KLF12: variants seen among roughly 807,000 people sequenced by gnomAD.
KLF12 encodes the protein KLF transcription factor 12.
Under a neutral mutation model 37.8 loss-of-function variants are expected in KLF12, and 9 were observed. The ratio of observed to expected loss-of-function variants is 0.24; its 90% CI spans 0.14 to 0.42. The LOEUF (loss-of-function observed/expected upper bound fraction) is 0.42, where lower values mean the gene tolerates loss of function less well. KLF12 is among the 10% of genes least tolerant of loss of function. The pLI is 1.00. For synonymous variants in KLF12, 208 were observed against 202.1 expected (o/e 1.03, Z -0.25); for missense variants, 411 against 516.0 (o/e 0.80, Z 1.97).
intron 1 of KLF12, among the ~76,000 whole-genome samples, chr13:74,088,782 T>C (rs1209171994): frequency 6.6e-6 from 1 of 152,198 alleles, no homozygotes; most frequent in East Asian, 1.9e-4. Flanking sequence ...TCTACACCTT[T>C]TTTACAGGGC....
chr13:73,877,740 A>T (rs186900861), intron 3 of KLF12, among the ~76,000 whole-genome samples: 1 of 152,266 alleles, frequency 6.6e-6, no homozygotes, highest in Non-Finnish European at 1.5e-5. Flanking sequence ...TTGGCTTTGT[A>T]AAAGTTGTTT....
At chr13:74,186,664 T>C in the KLF12 span, among the ~76,000 whole-genome samples, 2 of 152,156 alleles carry the variant, frequency 1.3e-5, no homozygotes, top group African/African-American at 2.4e-5. Context: ...TTTTCCTCCA[T>C]GATAGAAAAA....
At position 74,064,627 on chromosome 13, in the gene KLF12, A is replaced by G. The variant is rs115701065; in HGVS notation, c.-32+69112T>C. Among the ~76,000 whole-genome samples the G allele has an allele frequency of 8.9e-3, 1,361 of 152,354 alleles. 20 individuals are homozygous for G. Among genetic ancestry groups the G allele is most frequent in the African/African-American group, 0.031 (1,284 of 41,578 alleles). Reference sequence around the variant, plus strand: ...ATGTCTCTCTGCTGTAGAGGCTAATAAACAAAGACACAATGGAGATTCTGA... The same window carrying G: ...ATGTCTCTCTGCTGTAGAGGCTAATGAACAAAGACACAATGGAGATTCTGA... On this transcript the variant is annotated intron_variant, in intron 1 of 7. Transcript: ENST00000377669.
chr13:74,222,745 A>C, the KLF12 span, among the ~76,000 whole-genome samples: 1 of 152,180 alleles, frequency 6.6e-6, no homozygotes, highest in Admixed American at 6.5e-5. Flanking sequence ...ATAATGTATA[A>C]ATTTTTCACT....
chr13:73,796,123 T>C (rs17312529), intron 5 of KLF12, among the ~76,000 whole-genome samples: 38,477 of 152,032 alleles, frequency 0.25, 5,139 homozygotes, highest in East Asian at 0.44. Context: ...AACGCAATTA[T>C]TGGAGGAACT....
the KLF12 span, among the ~76,000 whole-genome samples, chr13:74,271,211 G>A: frequency 1.3e-5 from 2 of 152,244 alleles, no homozygotes; most frequent in South Asian, 4.1e-4. Flanking sequence ...CACCCCATCT[G>A]TGGAAAAATT....
At chr13:73,986,766 C>T (rs1445448282) in intron 2 of KLF12, among the ~76,000 whole-genome samples, 2 of 151,940 alleles carry the variant, frequency 1.3e-5, no homozygotes, top group African/African-American at 4.8e-5. Flanking sequence ...GGACTTGGCC[C>T]AAAGCTGCTG....
the KLF12 span, among the ~76,000 whole-genome samples, chr13:74,255,386 A>C: frequency 2.6e-5 from 4 of 152,210 alleles, no homozygotes; most frequent in Admixed American, 2.6e-4. Context: ...TTTTTGATGT[A>C]TACTCATTTG....
chr13:73,911,753 C>T (rs1401247332), intron 3 of KLF12, among the ~76,000 whole-genome samples: 1 of 152,196 alleles, frequency 6.6e-6, no homozygotes, highest in Non-Finnish European at 1.5e-5. Flanking sequence ...GATAATAAGA[C>T]AGTACAAACT....
chr13:74,292,803 A>G, the KLF12 span, among the ~76,000 whole-genome samples: 1 of 152,012 alleles, frequency 6.6e-6, no homozygotes, highest in Non-Finnish European at 1.5e-5. Flanking sequence ...ATGCTTTTCC[A>G]TTGCCACTAG....
chr13:74,156,113 C>T, the KLF12 span, among the ~76,000 whole-genome samples: 1 of 152,216 alleles, frequency 6.6e-6, no homozygotes, highest in Non-Finnish European at 1.5e-5. Flanking sequence ...ACTTCCTCCA[C>T]AATGCACCTT....
At chr13:74,102,694 T>C (rs1876427868) in intron 1 of KLF12, among the ~76,000 whole-genome samples, 1 of 150,204 alleles carries the variant, frequency 6.7e-6, no homozygotes, top group African/African-American at 2.5e-5. Flanking sequence ...TGAAACTCTG[T>C]CTCAAAAAAA....
intron 5 of KLF12, among the ~76,000 whole-genome samples, chr13:73,810,981 T>TC (rs200537640): frequency 0.26 from 25,296 of 97,562 alleles, 3,467 homozygotes; most frequent in East Asian, 0.49. Context: ...AATTTTTCTT[T>TC]CTTTTTTTTT....
intron 3 of KLF12, among the ~76,000 whole-genome samples, chr13:73,942,986 T>C (rs1325688947): frequency 6.6e-6 from 1 of 152,224 alleles, no homozygotes; most frequent in Non-Finnish European, 1.5e-5. Flanking sequence ...GTTCTCATTA[T>C]GAAATCCTTT....
chr13:73,891,417 T>C (rs1022816686), intron 3 of KLF12, among the ~76,000 whole-genome samples: 9 of 152,102 alleles, frequency 5.9e-5, no homozygotes, highest in Non-Finnish European at 8.8e-5. Flanking sequence ...TACATTAACA[T>C]TGGGACAAAT....
the KLF12 span, among the ~76,000 whole-genome samples, chr13:74,159,463 C>G: frequency 1.3e-5 from 2 of 152,116 alleles, no homozygotes; most frequent in Admixed American, 6.5e-5. Flanking sequence ...AAAATTCTAA[C>G]AGTACAATTT....
At chr13:73,780,808 T>G (rs568592082) in intron 5 of KLF12, among the ~76,000 whole-genome samples, 1 of 152,218 alleles carries the variant, frequency 6.6e-6, no homozygotes, top group Non-Finnish European at 1.5e-5. Flanking sequence ...TGAGATGGAA[T>G]GTACTCCTGG....
intron 3 of KLF12, among the ~76,000 whole-genome samples, chr13:73,857,463 T>C (rs1243040587): frequency 6.6e-6 from 1 of 152,220 alleles, no homozygotes; most frequent in Non-Finnish European, 1.5e-5. Context: ...TATTTTTGTA[T>C]AAAATGTGAC....
chr13:74,213,718 C>CA, the KLF12 span, among the ~76,000 whole-genome samples: 1 of 150,590 alleles, frequency 6.6e-6, no homozygotes, highest in African/African-American at 2.4e-5. Context: ...AATATATTAA[C>CA]ATAGTTCGAA....
Sources: gnomAD v4.1 joint callset for allele counts (sites outside exome capture counted in the v4.1 genomes callset) on GRCh38, gnomAD v4.1.1 for gene constraint, MANE v1.5 for transcripts, NCBI Gene and HGNC (gene_info 2026-07-23, HGNC 2026-07-21) for gene names.